Variants in CSRNP2 observed in about 807,000 individuals in gnomAD.
CSRNP2 encodes the protein cysteine/serine-rich nuclear protein 2.
Under a neutral mutation model 36.6 loss-of-function variants are expected in CSRNP2, and 11 were observed. That is an observed-to-expected ratio of 0.30 (90% CI 0.19 to 0.50). The LOEUF (loss-of-function observed/expected upper bound fraction) is 0.50, where lower values mean the gene tolerates loss of function less well. Among genes scored for constraint, CSRNP2 ranks in the 20% least tolerant of loss-of-function variants. The pLI is 0.98. For synonymous variants in CSRNP2, 248 were observed against 275.3 expected, an observed-to-expected ratio of 0.90 and a Z score of 0.98; for missense variants, 483 against 691.4, an observed-to-expected ratio of 0.70 and a Z score of 3.38.
rs1592730644 is a variant in CSRNP2 at position 51,061,216 on chromosome 12, ATTTC to A, written c.*2526_*2529del. ...AGAGTAACACATCATTCTTTTGAAT[ATTTC>A]TTTAATATTACATTTAAATATTCTC... On this transcript the variant is annotated 3_prime_UTR_variant, in exon 5 of 5. Coordinates refer to ENST00000228515, the MANE Select transcript of CSRNP2 (RefSeq NM_030809.3). 1 of 152,524 alleles carries A rather than the reference ATTTC, an allele frequency of 6.6e-6. No homozygotes were observed. Among genetic ancestry groups the A allele is most frequent in the African/African-American group, 2.4e-5 (1 of 41,454 alleles). 9.4% of individuals were successfully genotyped at this position (152,524 alleles called of 1,614,324 possible). A position where few individuals can be genotyped will look rare whatever the true frequency, so the allele number is the denominator to read the frequency against.
chr12:51,062,134 A>C lies in CSRNP2; in HGVS notation c.*1612T>G, dbSNP rs527477907. 1 of 152,352 alleles carries C rather than the reference A, an allele frequency of 6.6e-6. No individual in the cohort carries two copies. The highest frequency in any genetic ancestry group is 2.1e-4 in the South Asian group (1 of 4,834). The allele number at this position is 152,352 out of a possible 1,614,324, so 9.4% of individuals were successfully genotyped here. A position where few individuals can be genotyped will look rare whatever the true frequency, so the allele number is the denominator to read the frequency against. ...ATTAAATACAAATCTTTTCAGGCTC[A>C]GAGTTTAGAGACTTCAGGGGTGAAA... On this transcript the variant is annotated 3_prime_UTR_variant, in exon 5 of 5. Transcript: ENST00000228515.
rs761641359 is a variant in CSRNP2, at chr12:51,064,078, G to C, written c.1300C>G (p.Pro434Ala). ...QRPVLGVKGE[P>A]GTEEGSASFP... ...GAGGCTGAGCCTTCTTCCGTACCAG[G>C]CTCTCCTTTCACTCCCAAGACTGGC... Residue 434 changes from proline (P) to alanine (A), a missense_variant, in exon 5 of 5, where the codon CCT becomes GCT. Coordinates refer to ENST00000228515, the MANE Select transcript of CSRNP2 (RefSeq NM_030809.3). 6.2e-7 allele frequency: 1 copy of C among 1,614,208 alleles called. No individual in the cohort carries two copies. The highest frequency in any genetic ancestry group is 1.1e-5 in the South Asian group (1 of 91,092).
intron 1 of CSRNP2, among the ~76,000 whole-genome samples, chr12:51,080,072 C>CAAAAA (rs1173559322): frequency 0.17 from 9,229 of 55,040 alleles, 3,769 homozygotes; most frequent in East Asian, 0.33. Context: ...GACTCTGTCT[C>CAAAAA]AAAAAAAAAA....
intron 3 of CSRNP2, among the ~76,000 whole-genome samples, chr12:51,069,639 A>T (rs1391462528): frequency 4.0e-5 from 6 of 150,200 alleles, no homozygotes. Context: ...GAAAGGTGGT[A>T]TCAATAATAC....
At chr12:51,066,205 A>G (rs1380008714) in intron 4 of CSRNP2, among the ~76,000 whole-genome samples, 6 of 152,206 alleles carry the variant, frequency 3.9e-5, no homozygotes. Context: ...CTGTAATCCC[A>G]GCACTTTGGG....
intron 3 of CSRNP2, among the ~76,000 whole-genome samples, chr12:51,072,722 G>T (rs935173411): frequency 6.6e-6 from 1 of 152,032 alleles, no homozygotes; most frequent in Non-Finnish European, 1.5e-5. Context: ...AATGCTGTTT[G>T]TATCTACAAG....
chr12:51,083,361 TC>T lies in CSRNP2; in HGVS notation c.-110del, dbSNP rs1358382197. 6.5e-6 allele frequency: 1 copy of T among 154,380 alleles called. No individual in the cohort carries two copies. Among genetic ancestry groups the T allele is most frequent in the Admixed American group, 6.5e-5 (1 of 15,304 alleles). 9.6% of individuals were successfully genotyped at this position (154,380 alleles called of 1,614,324 possible). A position where few individuals can be genotyped will look rare whatever the true frequency, so the allele number is the denominator to read the frequency against. ...TACCGGCCCCGCCGCAGCTGCCTCC[TC>T]CCGTGATGGTCTCTGCCGCCCCCGC... On this transcript the variant is annotated 5_prime_UTR_variant, in exon 1 of 5. Transcript: ENST00000228515.
chr12:51,064,557 A>G lies in CSRNP2; in HGVS notation c.821T>C (p.Met274Thr). ...RVRTHYLHTI[M>T]KLELESKRQV... ...CCGCTTGCTCTCCAGCTCCAGCTTCATAATGGTGTGGAGGTAATGAGTCCG... is the reference window on the plus strand; with the variant it reads ...CCGCTTGCTCTCCAGCTCCAGCTTCGTAATGGTGTGGAGGTAATGAGTCCG... The change falls in exon 5 of 5, where the codon ATG becomes ACG. Residue 274 changes from methionine to threonine, a missense_variant. Met to Thr is a moderately conservative substitution (Grantham distance 81). Coordinates refer to ENST00000228515, the MANE Select transcript of CSRNP2 (RefSeq NM_030809.3). The G allele has an allele frequency of 6.2e-7, 1 of 1,613,258 alleles. No homozygotes were observed. Among genetic ancestry groups the G allele is most frequent in the Non-Finnish European group, 8.5e-7 (1 of 1,179,556 alleles).
At position 51,067,925 on chromosome 12, in the gene CSRNP2, C is replaced by T; in HGVS notation, c.456G>A (p.Leu152=). ...CTTCATCTGACACATCATCCAGCGT[C>T]AGGCCATCAGCCTCCACCGACTCCA... is the stretch of plus-strand genomic sequence containing the variant. ...GTVESVEADG[L]TLDDVSDEDI... Residue 152 remains leucine, a synonymous_variant, in exon 4 of 5, where the codon CTG becomes CTA. Transcript: ENST00000228515. The surrounding 1 kb of genome is among the most constrained non-coding windows in gnomAD (Gnocchi z 4.1). 6.2e-7 allele frequency: 1 copy of T among 1,614,192 alleles called. No homozygotes were observed. The highest frequency in any genetic ancestry group is 8.5e-7 in the Non-Finnish European group (1 of 1,180,038).
At position 51,083,588 on chromosome 12, in the gene CSRNP2, G is replaced by C. The variant is rs983131702; in HGVS notation, c.-336C>G. On this transcript the variant is annotated 5_prime_UTR_variant, in exon 1 of 5. Coordinates refer to ENST00000228515, the MANE Select transcript of CSRNP2 (RefSeq NM_030809.3). ...GACGCCCAGAACCGCCCCGGCTCCGGCTAACAATAGGATCCGGCCGCAGCG... is the reference window on the plus strand; with the variant it reads ...GACGCCCAGAACCGCCCCGGCTCCGCCTAACAATAGGATCCGGCCGCAGCG... 6.6e-6 allele frequency: 1 copy of C among 152,030 alleles called. No individual in the cohort carries two copies. The highest frequency in any genetic ancestry group is 2.4e-5 in the African/African-American group (1 of 41,456). The allele number at this position is 152,030 out of a possible 1,614,324, so 9.4% of individuals were successfully genotyped here.
Position 51,076,586 on chromosome 12 carries a change from G to A in CSRNP2, c.-25C>T. On this transcript the variant is annotated 5_prime_UTR_variant, in exon 2 of 5. Transcript: ENST00000228515. Reference sequence around the variant, plus strand: ...TTGGTTTCAAAGGGGTTTCCTTGGGGAGCCCACCAAGTTGGCCCCAAAGCC... The same window carrying A: ...TTGGTTTCAAAGGGGTTTCCTTGGGAAGCCCACCAAGTTGGCCCCAAAGCC... 1 of 1,613,282 alleles carries A rather than the reference G, an allele frequency of 6.2e-7. No individual in the cohort carries two copies. Among genetic ancestry groups the A allele is most frequent in the Non-Finnish European group, 8.5e-7 (1 of 1,179,486 alleles).
rs749899593 is a variant in CSRNP2 at position 51,063,717 on chromosome 12, T to G, written c.*29A>C. 1.4e-6 allele frequency: 2 copies of G among 1,472,404 alleles called. No individual in the cohort carries two copies. Among genetic ancestry groups the G allele is most frequent in the Non-Finnish European group, 1.8e-6 (2 of 1,102,098 alleles). 91.2% of individuals were successfully genotyped at this position (1,472,404 alleles called of 1,614,324 possible). A position where few individuals can be genotyped will look rare whatever the true frequency, so the allele number is the denominator to read the frequency against. On this transcript the variant is annotated 3_prime_UTR_variant, in exon 5 of 5. Transcript: ENST00000228515. ...ATAAAATAAGGGAATAAATAGAGAATGGGTAAGAGGCAGGACCTCTAGCGC... is the reference window on the plus strand; with the variant it reads ...ATAAAATAAGGGAATAAATAGAGAAGGGGTAAGAGGCAGGACCTCTAGCGC...
chr12:51,081,918 T>C (rs546908616), intron 1 of CSRNP2, among the ~76,000 whole-genome samples: 14 of 152,306 alleles, frequency 9.2e-5, no homozygotes, highest in African/African-American at 3.1e-4. Flanking sequence ...AAGAATCTAT[T>C]TGCAAAGTTT....
chr12:51,079,445 CTTA>C (rs1939527538), intron 1 of CSRNP2, among the ~76,000 whole-genome samples: 2 of 151,368 alleles, frequency 1.3e-5, no homozygotes, highest in South Asian at 4.2e-4. Flanking sequence ...TGATTGAATG[CTTA>C]TGTGGGTGGA....
rs200511454 is a variant in CSRNP2, at chr12:51,064,145, G to A, written c.1233C>T (p.Tyr411=). 80 of 1,614,108 alleles carry A rather than the reference G, an allele frequency of 5.0e-5. No homozygotes were observed. The highest frequency in any genetic ancestry group is 7.6e-6 in the Non-Finnish European group (9 of 1,180,042). Residue 411 remains tyrosine (Y), a synonymous_variant, in exon 5 of 5, where the codon TAC becomes TAT. Transcript: ENST00000228515. ...AATAGACCAGGGGCCCACTGTTCAA[G>A]TAGGATGGGCTGTTCACCGTTGAGG... ...PTASTVNSPS[Y]LNSGPLVYYQ...
chr12:51,069,855 G>A (rs1003481132), intron 3 of CSRNP2, among the ~76,000 whole-genome samples: 1 of 151,650 alleles, frequency 6.6e-6, no homozygotes, highest in Non-Finnish European at 1.5e-5. Flanking sequence ...ACCACGCCTC[G>A]CTAATTTTTT....
At position 51,077,825 on chromosome 12, in the gene CSRNP2, C is replaced by A. The variant is rs1317500124; in HGVS notation, c.-86-1178G>T. On this transcript the variant is annotated intron_variant, in intron 1 of 4. Transcript: ENST00000228515. ...GGAAAACAAATAGCAAGAGAAGTAA[C>A]TATTTATTCTGGTTATATCAATATG... Among the ~76,000 whole-genome samples, 4 of 152,108 alleles carry A rather than the reference C, an allele frequency of 2.6e-5. No individual in the cohort carries two copies. The South Asian group carries it at 8.3e-4, about 32-fold the overall frequency.
At chr12:51,078,439 T>TA (rs561209269) in intron 1 of CSRNP2, among the ~76,000 whole-genome samples, 28 of 152,144 alleles carry the variant, frequency 1.8e-4, no homozygotes, top group African/African-American at 6.7e-4. Flanking sequence ...GTAATTAAAT[T>TA]AAAAAACGAG....
rs202228219 is a variant in CSRNP2, at chr12:51,065,498, A to AT, written c.709-830dup. On this transcript the variant is annotated intron_variant, in intron 4 of 4. Transcript: ENST00000228515. ...TAGAAATCTCCACTCCAGTTATACC[A>AT]TTTTTTTTTCCTTTGGAGATAGGGT... is the stretch of plus-strand genomic sequence containing the variant. Among the ~76,000 whole-genome samples, 11 of 151,262 alleles carry AT rather than the reference A, an allele frequency of 7.3e-5. No individual in the cohort carries two copies. In the East Asian group the frequency reaches 1.6e-3, roughly 21 times the overall value.
Sources: gnomAD v4.1 joint callset for allele counts (sites outside exome capture counted in the v4.1 genomes callset) on GRCh38, gnomAD v4.1.1 for gene constraint, Gnocchi (gnomAD v3.1) non-coding constraint, MANE v1.5 for transcripts, NCBI Gene and HGNC (gene_info 2026-07-23, HGNC 2026-07-21) for gene names.